HMCN1: variants seen among roughly 807,000 people sequenced by gnomAD.
The protein encoded by HMCN1 is hemicentin 1, also known as hemicentin-1.
A neutral mutation model predicts 625.9 loss-of-function variants in HMCN1; 321 were observed. The observed-to-expected ratio is 0.51, with a 90% CI of 0.47 to 0.56. The LOEUF (loss-of-function observed/expected upper bound fraction) is 0.56, where lower values mean the gene tolerates loss of function less well. Among genes scored for constraint, HMCN1 ranks in the 20% least tolerant of loss-of-function variants. HMCN1 has a pLI of 0.00. For synonymous variants in HMCN1, 2,425 were observed against 2,417.6 expected, an observed-to-expected ratio of 1.00 and a Z score of -0.09; for missense variants, 6,588 against 6,887.3, an observed-to-expected ratio of 0.96 and a Z score of 1.54.
intron 68 of HMCN1, among the ~76,000 whole-genome samples, chr1:186,097,590 A>G (rs536180007): frequency 6.6e-6 from 1 of 152,180 alleles, no homozygotes; most frequent in Non-Finnish European, 1.5e-5. Flanking sequence ...TTTCATGTTT[A>G]TGGATTGGAA....
In HMCN1 at chr1:186,190,871, T is replaced by C. The variant is rs549729366; in HGVS notation, c.*993T>C. 1 of 186,538 alleles carries C rather than the reference T, an allele frequency of 5.4e-6. No individual in the cohort carries two copies. Among genetic ancestry groups the C allele is most frequent in the African/African-American group, 2.3e-5 (1 of 42,952 alleles). 11.6% of individuals were successfully genotyped at this position (186,538 alleles called of 1,614,324 possible). A position where few individuals can be genotyped will look rare whatever the true frequency, so the allele number is the denominator to read the frequency against. ...TTTTCTATATAATATCTTGATGGAC[T>C]CTTTTATAAAATTATTTTATAAAAA... On this transcript the variant is annotated 3_prime_UTR_variant, in exon 107 of 107. Coordinates refer to ENST00000271588, the MANE Select transcript of HMCN1 (RefSeq NM_031935.3).
chr1:186,082,834 T>A, intron 56 of HMCN1, 31 bp from the exon 57 acceptor site: 1 of 1,340,596 alleles, frequency 7.5e-7, no homozygotes, highest in Non-Finnish European at 1.0e-6. Flanking sequence ...TATTCAAAAT[T>A]TTATTTGGAA....
At chr1:186,015,839 T>C in intron 31 of HMCN1, 119 bp from the exon 32 acceptor site, 1 of 877,250 alleles carries the variant, frequency 1.1e-6, no homozygotes, top group Non-Finnish European at 1.9e-6. Context: ...GACAGGCATA[T>C]AGGTAGATTT....
intron 11 of HMCN1, chr1:185,957,099 A>G (rs1441477701): frequency 1.3e-5 from 2 of 152,302 alleles, no homozygotes; most frequent in Admixed American, 6.5e-5. Flanking sequence ...GTTAACTTCA[A>G]TGGGTTATTT....
intron 1 of HMCN1, among the ~76,000 whole-genome samples, chr1:185,815,227 ATTGT>A (rs1659769460): frequency 6.7e-6 from 1 of 150,254 alleles, no homozygotes; most frequent in Non-Finnish European, 1.5e-5. Flanking sequence ...TTTAAAACAT[ATTGT>A]TTGACACAGA....
At chr1:185,988,879 C>T (rs762500643) in intron 20 of HMCN1, among the ~76,000 whole-genome samples, 3 of 152,036 alleles carry the variant, frequency 2.0e-5, no homozygotes, top group East Asian at 1.9e-4. Flanking sequence ...GTAAAGTGCT[C>T]GAAACAGAGT....
intron 97 of HMCN1, among the ~76,000 whole-genome samples, chr1:186,158,797 C>G (rs887739878): frequency 6.6e-6 from 1 of 152,002 alleles, no homozygotes; most frequent in Non-Finnish European, 1.5e-5. Context: ...TGATCTATAT[C>G]TCTGTTTTGG....
At chr1:185,866,295 A>G (rs1407830656) in intron 4 of HMCN1, among the ~76,000 whole-genome samples, 1 of 138,812 alleles carries the variant, frequency 7.2e-6, no homozygotes, top group South Asian at 2.6e-4. Context: ...ACTATGACTA[A>G]CTAGTAACTA....
chr1:185,963,190 T>C (rs1359522899), intron 12 of HMCN1, among the ~76,000 whole-genome samples: 1 of 152,056 alleles, frequency 6.6e-6, no homozygotes, highest in African/African-American at 2.4e-5. Flanking sequence ...AATAAACACG[T>C]GGAATATAAA....
At chr1:186,050,931 T>C (rs1017950321) in intron 42 of HMCN1, among the ~76,000 whole-genome samples, 18 of 152,034 alleles carry the variant, frequency 1.2e-4, no homozygotes, top group African/African-American at 4.1e-4. Context: ...CTAAGAGCTA[T>C]CATAGGTGGT....
At chr1:185,925,312 C>T in intron 9 of HMCN1, 121 bp downstream of exon 9, 1 of 964,020 alleles carries the variant, frequency 1.0e-6, no homozygotes, top group South Asian at 1.4e-5. Context: ...TGGAATATAG[C>T]AGTGAACAAA....
chr1:185,935,792 G>A (rs1271877560), intron 11 of HMCN1, among the ~76,000 whole-genome samples: 1 of 152,002 alleles, frequency 6.6e-6, no homozygotes, highest in Admixed American at 6.6e-5. Context: ...ACAGACTTTT[G>A]CTAATTGTGG....
At chr1:186,170,571 G>T (rs1428092210) in intron 100 of HMCN1, among the ~76,000 whole-genome samples, 2 of 152,182 alleles carry the variant, frequency 1.3e-5, no homozygotes, top group African/African-American at 4.8e-5. Context: ...TGATAGACTG[G>T]AAGGACTTTT....
intron 74 of HMCN1, 56 bp downstream of exon 74, chr1:186,115,002 C>G (rs1272720512): frequency 4.4e-6 from 7 of 1,608,760 alleles, no homozygotes; most frequent in Admixed American, 1.7e-5. Flanking sequence ...TCTTTGATTG[C>G]CTAAACTAGT....
intron 36 of HMCN1, among the ~76,000 whole-genome samples, chr1:186,029,285 T>A (rs1655262833): frequency 6.6e-6 from 1 of 152,178 alleles, no homozygotes; most frequent in Non-Finnish European, 1.5e-5. Context: ...TCAGACTATC[T>A]GATTTATTAT....
intron 1 of HMCN1, among the ~76,000 whole-genome samples, chr1:185,783,821 G>C (rs555216442): frequency 6.6e-6 from 1 of 152,294 alleles, no homozygotes; most frequent in East Asian, 1.9e-4. Context: ...CAGTCTGACC[G>C]TTCTCAGATC....
At chr1:185,737,134 CTT>C (rs1653635992) in intron 1 of HMCN1, among the ~76,000 whole-genome samples, 1 of 150,652 alleles carries the variant, frequency 6.6e-6, no homozygotes, top group Non-Finnish European at 1.5e-5. Context: ...TTTTTGGCCT[CTT>C]TGTAGTTTTT....
intron 4 of HMCN1, among the ~76,000 whole-genome samples, chr1:185,900,283 G>A (rs1475277351): frequency 1.3e-5 from 2 of 151,956 alleles, no homozygotes; most frequent in African/African-American, 4.8e-5. Flanking sequence ...TGATTTAGTT[G>A]TGAGAGCTAT....
intron 30 of HMCN1, among the ~76,000 whole-genome samples, chr1:186,011,378 G>A (rs545760398): frequency 5.4e-4 from 82 of 152,180 alleles, no homozygotes; most frequent in African/African-American, 1.3e-3. Context: ...TACCTATTTC[G>A]TCTTTGAAAA....
Sources: gnomAD v4.1 joint callset for allele counts (sites outside exome capture counted in the v4.1 genomes callset) on GRCh38, gnomAD v4.1.1 for gene constraint, MANE v1.5 for transcripts, NCBI Gene and HGNC (gene_info 2026-07-23, HGNC 2026-07-21) for gene names.